The following CRHR2 variants were observed in gnomAD, a reference collection of about 807,000 sequenced individuals.
The protein encoded by CRHR2 is corticotropin-releasing hormone receptor 2.
In CRHR2, 53 loss-of-function variants were observed where a neutral mutation model predicts 57.9. The ratio of observed to expected loss-of-function variants is 0.92; its 90% CI spans 0.73 to 1.15. The LOEUF (loss-of-function observed/expected upper bound fraction) is 1.15, where lower values mean the gene tolerates loss of function less well. Among genes scored for constraint, CRHR2 ranks in the 50% most tolerant of loss-of-function variants. The probability of loss-of-function intolerance (pLI) is 0.00; values close to 1 mark genes in which losing one functional copy is unlikely to be tolerated. For missense variants in CRHR2, 532 were observed against 542.6 expected (o/e 0.98, Z 0.19); for synonymous variants, 213 against 220.9 (o/e 0.96, Z 0.32).
intron 5 of CRHR2, 126 bp downstream of exon 5, chr7:30,664,944 G>A (rs1784126129): frequency 1.4e-6 from 1 of 733,606 alleles, no homozygotes; most frequent in South Asian, 1.6e-5. Flanking sequence ...AGAAGAAGAG[G>A]GCTGCTTTAG....
chr7:30,694,062 A>G (rs1157101248), intron 1 of CRHR2, among the ~76,000 whole-genome samples: 1 of 152,174 alleles, frequency 6.6e-6, no homozygotes, highest in East Asian at 1.9e-4. Context: ...CCCAGTCCCC[A>G]GTTCAGAGCC....
At chr7:30,681,174 T>A (rs1392326264) in intron 2 of CRHR2, among the ~76,000 whole-genome samples, 1 of 151,948 alleles carries the variant, frequency 6.6e-6, no homozygotes, top group East Asian at 1.9e-4. Context: ...ACTGCCCTTT[T>A]CCCCAGAGCC....
At chr7:30,670,683 AAGAC>A (rs1784328778) in intron 2 of CRHR2, among the ~76,000 whole-genome samples, 1 of 152,216 alleles carries the variant, frequency 6.6e-6, no homozygotes, top group Non-Finnish European at 1.5e-5. Flanking sequence ...AGGAGGGAGT[AAGAC>A]AGAAAGAATC....
At chr7:30,654,711 A>G in intron 11 of CRHR2, 1 of 1,536,114 alleles carries the variant, frequency 6.5e-7, no homozygotes, top group Non-Finnish European at 8.7e-7. Flanking sequence ...ATTGCTTGGC[A>G]CACATCTCTT....
At chr7:30,690,557 T>G (rs1381773196) in intron 1 of CRHR2, among the ~76,000 whole-genome samples, 1 of 152,146 alleles carries the variant, frequency 6.6e-6, no homozygotes, top group African/African-American at 2.4e-5. Context: ...GCCTGTCAGA[T>G]GTACTCTTCC....
chr7:30,669,028 TA>T (rs1784275787), intron 2 of CRHR2, among the ~76,000 whole-genome samples: 1 of 152,182 alleles, frequency 6.6e-6, no homozygotes, highest in South Asian at 2.1e-4. Flanking sequence ...GTCACTGAAC[TA>T]AAAAAGCAAA....
Position 30,655,583 on chromosome 7 carries a change from G to A in CRHR2, c.1050C>T (p.Phe350=). 6.2e-7 allele frequency: 1 copy of A among 1,611,904 alleles called. No individual in the cohort carries two copies. The highest frequency in any genetic ancestry group is 8.5e-7 in the Non-Finnish European group (1 of 1,178,746). Residue 350 remains phenylalanine, a synonymous_variant, in exon 10 of 12, where the codon TTC becomes TTT. Coordinates refer to ENST00000471646, the MANE Select transcript of CRHR2 (RefSeq NM_001883.5). ...FIYFNSFLQS[F]QGFFVSVFYC... is the part of the protein sequence containing the mutation. ...CCCATCTGGTCACAGGCCCCACCTG[G>A]AACGACTGCAGGAAGGAGTTGAAAT... is the stretch of plus-strand genomic sequence containing the variant.
intron 2 of CRHR2, among the ~76,000 whole-genome samples, chr7:30,678,347 A>G (rs1477475340): frequency 6.6e-6 from 1 of 152,222 alleles, no homozygotes. Context: ...TCGATGGTGC[A>G]AGGATTAAAT....
At chr7:30,661,846 C>T (rs1784010950) in intron 7 of CRHR2, among the ~76,000 whole-genome samples, 1 of 152,218 alleles carries the variant, frequency 6.6e-6, no homozygotes, top group African/African-American at 2.4e-5. Flanking sequence ...CTTCCACATA[C>T]CCCGGGCCAG....
intron 1 of CRHR2, among the ~76,000 whole-genome samples, chr7:30,692,173 C>T (rs1227487465): frequency 6.6e-6 from 1 of 152,232 alleles, no homozygotes; most frequent in Non-Finnish European, 1.5e-5. Context: ...GTAGAATGCG[C>T]ACGCTGAATG....
At chr7:30,690,580 C>T (rs986017899) in intron 1 of CRHR2, among the ~76,000 whole-genome samples, 1 of 152,140 alleles carries the variant, frequency 6.6e-6, no homozygotes, top group Admixed American at 6.5e-5. Context: ...GCAGCTGGGT[C>T]AATGTTTGCC....
upstream of CRHR2, among the ~76,000 whole-genome samples, chr7:30,687,244 G>A (rs1784872970): frequency 6.6e-6 from 1 of 152,046 alleles, no homozygotes; most frequent in African/African-American, 2.4e-5. Flanking sequence ...CCTGAAGCTC[G>A]AGGGGCTCCC....
At chr7:30,676,392 G>T (rs1457393935) in intron 2 of CRHR2, among the ~76,000 whole-genome samples, 1 of 152,152 alleles carries the variant, frequency 6.6e-6, no homozygotes, top group South Asian at 2.1e-4. Flanking sequence ...ATCAGGTCTC[G>T]CTGGAGTCTG....
At chr7:30,659,551 CA>C (rs1430054898) in intron 8 of CRHR2, among the ~76,000 whole-genome samples, 1 of 152,162 alleles carries the variant, frequency 6.6e-6, no homozygotes, top group African/African-American at 2.4e-5. Context: ...TAGCTGCTGA[CA>C]AAACCTGGCT....
chr7:30,658,089 G>GA (rs1783859237), intron 8 of CRHR2, among the ~76,000 whole-genome samples: 1 of 152,160 alleles, frequency 6.6e-6, no homozygotes, highest in Non-Finnish European at 1.5e-5. Context: ...TATGTAACCT[G>GA]AAAATCCTTC....
intron 2 of CRHR2, 118 bp from the exon 3 acceptor site, chr7:30,667,431 A>G (rs1421360197): frequency 1.4e-6 from 1 of 711,866 alleles, no homozygotes; most frequent in Non-Finnish European, 2.4e-6. Context: ...GGCAGCAAAT[A>G]CAATGTGCAT....
At chr7:30,672,108 C>G (rs572845560) in intron 2 of CRHR2, among the ~76,000 whole-genome samples, 1 of 152,334 alleles carries the variant, frequency 6.6e-6, no homozygotes, top group East Asian at 1.9e-4. Context: ...AACCAGCCTT[C>G]CCACCCGATA....
Position 30,657,832 on chromosome 7 carries a change from C to G in CRHR2, c.832-1820G>C, listed in dbSNP as rs528122237. Among the ~76,000 whole-genome samples the G allele has an allele frequency of 3.9e-5, 6 of 152,312 alleles. No individual in the cohort carries two copies. In the East Asian group the frequency reaches 1.2e-3, roughly 29 times the overall value. ...TCCTTCCTTCCATCCATCCATCCAT[C>G]TACCCAACAACCAATTCATTCAATT... is the stretch of plus-strand genomic sequence containing the variant. On this transcript the variant is annotated intron_variant, in intron 8 of 11. Coordinates refer to ENST00000471646, the MANE Select transcript of CRHR2 (RefSeq NM_001883.5).
chr7:30,696,583 G>T (rs918651665), intron 1 of CRHR2, among the ~76,000 whole-genome samples: 1 of 152,092 alleles, frequency 6.6e-6, no homozygotes, highest in African/African-American at 2.4e-5. Flanking sequence ...AATTAGCTGG[G>T]TATGTTGGCA....
Sources: allele counts gnomAD v4.1 joint callset (sites outside exome capture counted in the v4.1 genomes callset), GRCh38; gene constraint gnomAD v4.1.1; transcripts MANE v1.5; gene names NCBI Gene and HGNC (gene_info 2026-07-23, HGNC 2026-07-21).